TBL1XR1: variants seen among roughly 807,000 people sequenced by gnomAD.
TBL1XR1 encodes F-box-like/WD repeat-containing protein TBL1XR1.
Under a neutral mutation model 66.9 loss-of-function variants are expected in TBL1XR1, and 5 were observed. That is an observed-to-expected ratio of 0.07 (90% CI 0.04 to 0.16). The LOEUF is 0.16. TBL1XR1 is among the 10% of genes least tolerant of loss of function. The pLI is 1.00. For synonymous variants in TBL1XR1, 210 were observed against 206.0 expected, an observed-to-expected ratio of 1.02 and a Z score of -0.17; for missense variants, 238 against 623.2, an observed-to-expected ratio of 0.38 and a Z score of 6.58.
intron 2 of TBL1XR1, among the ~76,000 whole-genome samples, chr3:177,095,748 G>C (rs1384709569): frequency 2.6e-5 from 4 of 152,148 alleles, no homozygotes; most frequent in Non-Finnish European, 5.9e-5. Flanking sequence ...TCCCCAAAGT[G>C]CTGGGATTAT....
At chr3:177,086,524 G>C (rs1023202378) in intron 2 of TBL1XR1, among the ~76,000 whole-genome samples, 1 of 152,036 alleles carries the variant, frequency 6.6e-6, no homozygotes, top group Admixed American at 6.6e-5. Flanking sequence ...TAATGAAAGT[G>C]TCTGCTCTGT....
At chr3:177,032,013 AT>A in intron 14 of TBL1XR1, among the ~76,000 whole-genome samples, 1 of 152,154 alleles carries the variant, frequency 6.6e-6, no homozygotes, top group Admixed American at 6.5e-5. Flanking sequence ...AAGATTCCTA[AT>A]GTCATTCATA....
chr3:177,093,447 A>G (rs1375750753), intron 2 of TBL1XR1, among the ~76,000 whole-genome samples: 1 of 152,156 alleles, frequency 6.6e-6, no homozygotes, highest in East Asian at 1.9e-4. Context: ...ATACTACATC[A>G]TTCTTCACAG....
At chr3:177,125,319 T>C (rs551505321) in intron 1 of TBL1XR1, among the ~76,000 whole-genome samples, 22 of 152,062 alleles carry the variant, frequency 1.4e-4, no homozygotes, top group African/African-American at 4.3e-4. Context: ...TCACCAGCTA[T>C]CAGGAGAAAT....
intron 1 of TBL1XR1, among the ~76,000 whole-genome samples, chr3:177,182,539 G>C (rs1416206561): frequency 6.6e-6 from 1 of 152,174 alleles, no homozygotes; most frequent in Non-Finnish European, 1.5e-5. Context: ...ACCTCAGTCA[G>C]AGCCTCATAG....
At chr3:177,088,540 A>G (rs966664290) in intron 2 of TBL1XR1, among the ~76,000 whole-genome samples, 20 of 152,298 alleles carry the variant, frequency 1.3e-4, no homozygotes, top group African/African-American at 4.3e-4. Context: ...CAACCTGTGT[A>G]AAGATTAAAT....
rs190642644 is a variant in TBL1XR1 at position 177,028,248 on chromosome 3, T to C, written c.1417-1774A>G. ...GGATGTATATACAACAATAGGATAA[T>C]GATTTTCTCCTGCACTGAAAATTCA... On this transcript the variant is annotated intron_variant, in intron 14 of 15. Transcript: ENST00000457928. Among the ~76,000 whole-genome samples, 8 of 152,328 alleles carry C rather than the reference T, an allele frequency of 5.3e-5. No individual in the cohort carries two copies. The South Asian group carries it at 8.3e-4, about 16-fold the overall frequency.
intron 1 of TBL1XR1, among the ~76,000 whole-genome samples, chr3:177,173,827 C>T (rs1265411629): frequency 6.6e-6 from 1 of 152,146 alleles, no homozygotes; most frequent in Non-Finnish European, 1.5e-5. Context: ...GAACTTTGTA[C>T]TAACTTTGCA....
intron 1 of TBL1XR1, among the ~76,000 whole-genome samples, chr3:177,189,648 T>TC (rs1560282395): frequency 7.6e-5 from 3 of 39,708 alleles, no homozygotes; most frequent in Non-Finnish European, 1.3e-4. Flanking sequence ...AGACTCCATC[T>TC]CAAAAAAAAA....
intron 1 of TBL1XR1, among the ~76,000 whole-genome samples, chr3:177,114,313 G>GT (rs1553847227): frequency 6.6e-6 from 1 of 150,438 alleles, no homozygotes; most frequent in African/African-American, 2.5e-5. Context: ...TATGATATAT[G>GT]ATATATATAT....
At chr3:177,082,335 G>A (rs947452950) in intron 2 of TBL1XR1, among the ~76,000 whole-genome samples, 3 of 151,692 alleles carry the variant, frequency 2.0e-5, no homozygotes, top group Non-Finnish European at 4.4e-5. Context: ...TTCATGTTAT[G>A]TTCTAAAATG....
intron 1 of TBL1XR1, among the ~76,000 whole-genome samples, chr3:177,102,896 A>G (rs1182893211): frequency 6.6e-6 from 1 of 152,186 alleles, no homozygotes; most frequent in Admixed American, 6.5e-5. Context: ...ACAACCGCAT[A>G]GTGCCTTATT....
At chr3:177,025,569 T>C in intron 15 of TBL1XR1, 45 bp from the exon 16 acceptor site, 1 of 1,581,502 alleles carries the variant, frequency 6.3e-7, no homozygotes, top group South Asian at 1.1e-5. Flanking sequence ...AGAATTTTAT[T>C]GTACATTTTA....
At chr3:177,140,446 A>AC (rs1307657521) in intron 1 of TBL1XR1, among the ~76,000 whole-genome samples, 5 of 152,224 alleles carry the variant, frequency 3.3e-5, no homozygotes, top group Non-Finnish European at 7.3e-5. Flanking sequence ...ATTTTCTATC[A>AC]ATTTACGACA....
intron 14 of TBL1XR1, among the ~76,000 whole-genome samples, chr3:177,030,149 G>C (rs1050218324): frequency 2.7e-5 from 4 of 147,556 alleles, no homozygotes; most frequent in Admixed American, 6.8e-5. Flanking sequence ...GAGAGAGAGA[G>C]ACAGACACAC....
chr3:177,138,405 G>C (rs1282639306), intron 1 of TBL1XR1, among the ~76,000 whole-genome samples: 1 of 152,122 alleles, frequency 6.6e-6, no homozygotes, highest in Non-Finnish European at 1.5e-5. Flanking sequence ...GGCCAGCCTG[G>C]GCAACATGGT....
At chr3:177,155,382 G>T (rs1731369564) in intron 1 of TBL1XR1, among the ~76,000 whole-genome samples, 1 of 152,096 alleles carries the variant, frequency 6.6e-6, no homozygotes, top group African/African-American at 2.4e-5. Flanking sequence ...TTAATTGAAA[G>T]AATATTAAGC....
At chr3:177,105,991 G>A (rs1724834293) in intron 1 of TBL1XR1, among the ~76,000 whole-genome samples, 1 of 152,074 alleles carries the variant, frequency 6.6e-6, no homozygotes, top group Non-Finnish European at 1.5e-5. Flanking sequence ...TACTACATCG[G>A]ACTAAATTAA....
chr3:177,185,578 A>C (rs1204427168), intron 1 of TBL1XR1, among the ~76,000 whole-genome samples: 2 of 151,318 alleles, frequency 1.3e-5, no homozygotes, highest in Non-Finnish European at 2.9e-5. Flanking sequence ...ATTGCACTCC[A>C]GTCTGGGTCA....
Sources: allele counts gnomAD v4.1 joint callset (sites outside exome capture counted in the v4.1 genomes callset), GRCh38; gene constraint gnomAD v4.1.1; transcripts MANE v1.5; gene names NCBI Gene and HGNC (gene_info 2026-07-23, HGNC 2026-07-21).